PPM1H: variants seen among roughly 807,000 people sequenced by gnomAD.
PPM1H encodes protein phosphatase, Mg2+/Mn2+ dependent 1H, also known as protein phosphatase 1H.
PPM1H carries 27 observed loss-of-function variants against 54.9 expected under a neutral mutation model. That is an observed-to-expected ratio of 0.49 (90% CI 0.36 to 0.68). PPM1H has a LOEUF of 0.68. PPM1H is among the 30% of genes least tolerant of loss of function. PPM1H has a pLI of 0.00. For synonymous variants in PPM1H, 305 were observed against 270.8 expected, an observed-to-expected ratio of 1.13 and a Z score of -1.24; for missense variants, 596 against 667.8, an observed-to-expected ratio of 0.89 and a Z score of 1.19.
At chr12:62,716,404 G>A (rs1319464328) in intron 6 of PPM1H, among the ~76,000 whole-genome samples, 2 of 152,178 alleles carry the variant, frequency 1.3e-5, no homozygotes, top group East Asian at 1.9e-4. Context: ...TCATCATAGT[G>A]TCTGGCCCTT....
chr12:62,791,958 A>G (rs542847492), intron 3 of PPM1H, among the ~76,000 whole-genome samples: 1 of 152,208 alleles, frequency 6.6e-6, no homozygotes, highest in Non-Finnish European at 1.5e-5. Context: ...TACTGCTTGT[A>G]TACTGTCTAT....
chr12:62,788,383 AG>A, intron 3 of PPM1H, 45 bp from the exon 4 acceptor site: 1 of 1,225,162 alleles, frequency 8.2e-7, no homozygotes, highest in East Asian at 2.5e-5. Context: ...CAGGATGTGT[AG>A]CAAAAGCTTT....
At chr12:62,864,644 C>G (rs1043494518) in intron 1 of PPM1H, among the ~76,000 whole-genome samples, 1 of 152,226 alleles carries the variant, frequency 6.6e-6, no homozygotes, top group Non-Finnish European at 1.5e-5. Context: ...CCAAACCTCT[C>G]TTTAACCCTT....
At chr12:62,825,247 A>G (rs1172018514) in intron 2 of PPM1H, among the ~76,000 whole-genome samples, 1 of 152,202 alleles carries the variant, frequency 6.6e-6, no homozygotes, top group African/African-American at 2.4e-5. Context: ...CAGATGCTGG[A>G]GAGGTTGTGG....
At chr12:62,833,986 C>G (rs528642319) in intron 1 of PPM1H, among the ~76,000 whole-genome samples, 16 of 152,276 alleles carry the variant, frequency 1.1e-4, no homozygotes, top group Non-Finnish European at 2.1e-4. Flanking sequence ...TCTATTTCCT[C>G]AATTTCAAAT....
chr12:62,845,369 C>T (rs1868924681), intron 1 of PPM1H, among the ~76,000 whole-genome samples: 1 of 152,218 alleles, frequency 6.6e-6, no homozygotes, highest in Non-Finnish European at 1.5e-5. Context: ...GAGCCTATAC[C>T]TCCATCCTCT....
At chr12:62,713,992 A>G (rs1293850225) in intron 6 of PPM1H, among the ~76,000 whole-genome samples, 1 of 151,918 alleles carries the variant, frequency 6.6e-6, no homozygotes, top group African/African-American at 2.4e-5. Flanking sequence ...AAAACAAACC[A>G]AAACAAAAAA....
chr12:62,924,695 T>C (rs774330373), intron 1 of PPM1H, among the ~76,000 whole-genome samples: 1 of 152,158 alleles, frequency 6.6e-6, no homozygotes, highest in Non-Finnish European at 1.5e-5. Flanking sequence ...CGAGATGACA[T>C]TTGATAACAA....
chr12:62,892,219 A>G (rs914095926), intron 1 of PPM1H, among the ~76,000 whole-genome samples: 1 of 152,238 alleles, frequency 6.6e-6, no homozygotes, highest in Non-Finnish European at 1.5e-5. Context: ...AAGTAGCTAC[A>G]GTTCAAAGTC....
chr12:62,669,546 T>G (rs2075942016), intron 8 of PPM1H, among the ~76,000 whole-genome samples: 1 of 152,264 alleles, frequency 6.6e-6, no homozygotes, highest in Non-Finnish European at 1.5e-5. Context: ...AACGTCTCAG[T>G]GGACTTTATG....
In PPM1H at chr12:62,935,042, C is replaced by T; in HGVS notation, c.-306G>A. On this transcript the variant is annotated 5_prime_UTR_variant, in exon 1 of 10. Coordinates refer to ENST00000228705, the MANE Select transcript of PPM1H (RefSeq NM_020700.2). The stretch of plus-strand genomic sequence containing the variant: ...CCAGGCGGCTGCAGCTGCAGCAGGT[C>T]CCTTCCCCGCCCCCTGCGCTCGGCT... The T allele has an allele frequency of 5.3e-6, 1 of 188,846 alleles. No homozygotes were observed. Among genetic ancestry groups the T allele is most frequent in the East Asian group, 1.4e-4 (1 of 6,928 alleles). The allele number at this position is 188,846 out of a possible 1,614,324, so 11.7% of individuals were successfully genotyped here. A position where few individuals can be genotyped will look rare whatever the true frequency, so the allele number is the denominator to read the frequency against.
chr12:62,746,463 A>G lies in PPM1H; in HGVS notation c.870-8877T>C, dbSNP rs896791998. ...CACTGACAACTCAATTACCATATGCATTGCCTATGGGCTACCTACCACCAC... is the reference window on the plus strand; with the variant it reads ...CACTGACAACTCAATTACCATATGCGTTGCCTATGGGCTACCTACCACCAC... On this transcript the variant is annotated intron_variant, in intron 4 of 9. Transcript: ENST00000228705. Among the ~76,000 whole-genome samples, 4 of 152,300 alleles carry G rather than the reference A, an allele frequency of 2.6e-5. No homozygotes were observed. The South Asian group carries it at 8.3e-4, about 32-fold the overall frequency.
intron 6 of PPM1H, among the ~76,000 whole-genome samples, chr12:62,700,538 G>C (rs1013796559): frequency 6.6e-6 from 1 of 152,118 alleles, no homozygotes; most frequent in Admixed American, 6.5e-5. Context: ...GTCAAATACT[G>C]TCATCTCTAC....
chr12:62,824,248 A>G (rs1245398427), intron 2 of PPM1H, among the ~76,000 whole-genome samples: 3 of 152,228 alleles, frequency 2.0e-5, no homozygotes, highest in Non-Finnish European at 2.9e-5. Flanking sequence ...ATGAAATAAA[A>G]GAGGACACAA....
chr12:62,804,019 A>C (rs1205323825), intron 2 of PPM1H, among the ~76,000 whole-genome samples: 1 of 152,230 alleles, frequency 6.6e-6, no homozygotes, highest in African/African-American at 2.4e-5. Context: ...GACCTTCCCC[A>C]ACCAGATAAG....
At chr12:62,885,390 CT>C (rs1295895742) in intron 1 of PPM1H, among the ~76,000 whole-genome samples, 1 of 152,198 alleles carries the variant, frequency 6.6e-6, no homozygotes, top group Non-Finnish European at 1.5e-5. Context: ...AGAGGGTTGG[CT>C]GCTGCTTCTT....
intron 8 of PPM1H, among the ~76,000 whole-genome samples, chr12:62,672,433 C>G (rs1009749924): frequency 1.3e-5 from 2 of 152,182 alleles, no homozygotes; most frequent in African/African-American, 4.8e-5. Flanking sequence ...TCTGTCTCTT[C>G]TAAAAGACTA....
intron 5 of PPM1H, among the ~76,000 whole-genome samples, chr12:62,736,373 G>A (rs1267222399): frequency 3.3e-5 from 5 of 152,290 alleles, no homozygotes; most frequent in South Asian, 2.1e-4. Flanking sequence ...AGAAAATGAC[G>A]AGGTCTGAAG....
chr12:62,759,822 C>A (rs2120606358), intron 4 of PPM1H, among the ~76,000 whole-genome samples: 1 of 151,390 alleles, frequency 6.6e-6, no homozygotes, highest in East Asian at 2.0e-4. Context: ...GCAAGCACCT[C>A]CCACCCTGTT....
Sources: allele counts gnomAD v4.1 joint callset (sites outside exome capture counted in the v4.1 genomes callset), GRCh38; gene constraint gnomAD v4.1.1; transcripts MANE v1.5; gene names NCBI Gene and HGNC (gene_info 2026-07-23, HGNC 2026-07-21).